TRPC4: variants seen among roughly 807,000 people sequenced by gnomAD.
TRPC4 encodes transient receptor potential cation channel subfamily C member 4.
TRPC4 carries 49 observed loss-of-function variants against 99.4 expected under a neutral mutation model. The observed-to-expected ratio is 0.49, with a 90% CI of 0.39 to 0.63. The LOEUF (loss-of-function observed/expected upper bound fraction) is 0.63, where lower values mean the gene tolerates loss of function less well. Ranked by LOEUF, TRPC4 falls within the 20% of genes least tolerant of loss-of-function variation. The pLI is 0.00. For synonymous variants in TRPC4, 454 were observed against 425.9 expected (o/e 1.07, Z -0.81); for missense variants, 898 against 1,152.9 (o/e 0.78, Z 3.20).
chr13:37,708,295 C>A (rs539582408), intron 3 of TRPC4, among the ~76,000 whole-genome samples: 2 of 152,216 alleles, frequency 1.3e-5, no homozygotes, highest in Non-Finnish European at 2.9e-5. Flanking sequence ...TGATAGCAAG[C>A]AGAACCTATC....
At chr13:37,693,218 A>T (rs75856064) in intron 3 of TRPC4, among the ~76,000 whole-genome samples, 2,816 of 152,168 alleles carry the variant, frequency 0.019, 92 homozygotes, top group African/African-American at 0.064. Flanking sequence ...CAATATATGA[A>T]TTAAGAGAAA....
At chr13:37,655,619 CAA>C (rs1232482032) in intron 6 of TRPC4, among the ~76,000 whole-genome samples, 3 of 151,794 alleles carry the variant, frequency 2.0e-5, no homozygotes, top group East Asian at 1.9e-4. Flanking sequence ...GGAAAAAAAT[CAA>C]AAGAGTGATA....
Position 37,651,345 on chromosome 13 carries a change from A to G in TRPC4, c.1999T>C (p.Trp667Arg), listed in dbSNP as rs1654837702. 6.2e-7 allele frequency: 1 copy of G among 1,614,038 alleles called. No homozygotes were observed. The highest frequency in any genetic ancestry group is 1.3e-5 in the African/African-American group (1 of 74,924). The change falls in exon 8 of 11, where the codon TGG (tryptophan) becomes CGG (arginine). Residue 667 changes from tryptophan to arginine, a missense_variant. By Grantham distance (101) the Trp-to-Arg change is moderately radical (BLOSUM62 -3). Coordinates refer to ENST00000379705, the MANE Select transcript of TRPC4 (RefSeq NM_016179.4). ...FNVIPSPKSL[W>R]YLIKWIWTHL... The stretch of plus-strand genomic sequence containing the variant: ...GTCCAGATCCATTTGATCAGGTACC[A>G]GAGAGACTTGGGGCTCGGGATGACA...
At chr13:37,801,429 CTG>C (rs1957397893) in intron 1 of TRPC4, among the ~76,000 whole-genome samples, 1 of 152,034 alleles carries the variant, frequency 6.6e-6, no homozygotes, top group African/African-American at 2.4e-5. Flanking sequence ...ATTAAACAAA[CTG>C]TTTAAATTGG....
At chr13:37,794,949 A>T (rs1957209174) in intron 1 of TRPC4, among the ~76,000 whole-genome samples, 1 of 152,156 alleles carries the variant, frequency 6.6e-6, no homozygotes, top group Admixed American at 6.6e-5. Context: ...TAAAAAAAGA[A>T]GTTTTTGAAC....
intron 1 of TRPC4, among the ~76,000 whole-genome samples, chr13:37,818,414 C>G (rs1957923176): frequency 6.6e-6 from 1 of 151,960 alleles, no homozygotes; most frequent in African/African-American, 2.4e-5. Flanking sequence ...AGATCTAGAA[C>G]CAGAAATACC....
At chr13:37,719,669 G>T (rs1954799593) in intron 3 of TRPC4, among the ~76,000 whole-genome samples, 1 of 152,066 alleles carries the variant, frequency 6.6e-6, no homozygotes, top group African/African-American at 2.4e-5. Flanking sequence ...CAGCAATGTG[G>T]GGTAAATGGG....
At chr13:37,771,999 T>C (rs995164368) in intron 2 of TRPC4, among the ~76,000 whole-genome samples, 7 of 151,572 alleles carry the variant, frequency 4.6e-5, no homozygotes, top group African/African-American at 1.5e-4. Flanking sequence ...AGGGGGCAGC[T>C]GTGTTCCCAA....
intron 1 of TRPC4, among the ~76,000 whole-genome samples, chr13:37,818,321 GGA>G (rs1299100930): frequency 1.3e-5 from 2 of 152,102 alleles, no homozygotes; most frequent in African/African-American, 4.8e-5. Flanking sequence ...GAGAGGATGT[GGA>G]GAAATAGGAA....
chr13:37,827,947 G>T lies in TRPC4; in HGVS notation c.-28+41648C>A, dbSNP rs1040090741. 9.2e-5 allele frequency among the ~76,000 whole-genome samples: 14 copies of T among 152,246 alleles called. 1 individual carries two copies. Among genetic ancestry groups the T allele is most frequent in the Admixed American group, 8.5e-4 (13 of 15,298 alleles). On this transcript the variant is annotated intron_variant, in intron 1 of 10. Transcript: ENST00000379705. ...AGACTCCATGGGCGTAGGACCCTCC[G>T]AGCCAGGTGCGGGATATAATCTCGT...
At chr13:37,696,416 T>A (rs1324841427) in intron 3 of TRPC4, among the ~76,000 whole-genome samples, 4 of 152,056 alleles carry the variant, frequency 2.6e-5, no homozygotes, top group African/African-American at 4.8e-5. Flanking sequence ...ATAAAACAAA[T>A]AAATCAAAAA....
chr13:37,775,414 T>TA (rs1221562655), intron 2 of TRPC4, among the ~76,000 whole-genome samples: 1 of 151,276 alleles, frequency 6.6e-6, no homozygotes, highest in Non-Finnish European at 1.5e-5. Flanking sequence ...TTGTTTTTTT[T>TA]TAATTTCCAA....
intron 3 of TRPC4, among the ~76,000 whole-genome samples, chr13:37,725,462 CAA>C (rs1237922877): frequency 6.6e-6 from 1 of 151,858 alleles, no homozygotes; most frequent in African/African-American, 2.4e-5. Context: ...AAGACAAAGG[CAA>C]AGAGAGAATC....
chr13:37,755,765 G>C (rs528351159), intron 2 of TRPC4, among the ~76,000 whole-genome samples: 1 of 152,200 alleles, frequency 6.6e-6, no homozygotes, highest in South Asian at 2.1e-4. Flanking sequence ...AGGGGCATTT[G>C]TTATATGCAA....
intron 4 of TRPC4, among the ~76,000 whole-genome samples, chr13:37,674,736 T>C (rs1186200928): frequency 2.6e-5 from 4 of 152,202 alleles, no homozygotes; most frequent in Admixed American, 6.5e-5. Context: ...TCAAAATTAC[T>C]CAAAGATCAT....
At chr13:37,846,438 A>G (rs2139659670) in intron 1 of TRPC4, among the ~76,000 whole-genome samples, 1 of 152,246 alleles carries the variant, frequency 6.6e-6, no homozygotes, top group Admixed American at 6.5e-5. Flanking sequence ...AAATTAATAA[A>G]AAGTATGTGT....
At chr13:37,709,047 C>G (rs1216701513) in intron 3 of TRPC4, among the ~76,000 whole-genome samples, 1 of 152,014 alleles carries the variant, frequency 6.6e-6, no homozygotes, top group Admixed American at 6.6e-5. Context: ...ATATCCACCT[C>G]TAACTGAAGC....
intron 3 of TRPC4, among the ~76,000 whole-genome samples, chr13:37,720,527 T>A (rs576584020): frequency 4.8e-4 from 73 of 152,232 alleles, no homozygotes; most frequent in African/African-American, 1.7e-3. Context: ...GTTTCTGGTG[T>A]TCTGAATTAT....
rs534885951 is a variant in TRPC4 at position 37,689,299 on chromosome 13, C to T, written c.1234+2700G>A. ...GTAGAACCTGGGCATGGATTTAAGT[C>T]CAGTGCCTTTTGCAGAACAGCCCAA... On this transcript the variant is annotated intron_variant, in intron 4 of 10. Coordinates refer to ENST00000379705, the MANE Select transcript of TRPC4 (RefSeq NM_016179.4). Among the ~76,000 whole-genome samples, 28 of 152,234 alleles carry T rather than the reference C, an allele frequency of 1.8e-4. 1 individual carries two copies. In the South Asian group the frequency reaches 5.2e-3, roughly 28 times the overall value.
Sources: allele counts gnomAD v4.1 joint callset (sites outside exome capture counted in the v4.1 genomes callset), GRCh38; gene constraint gnomAD v4.1.1; transcripts MANE v1.5; gene names NCBI Gene and HGNC (gene_info 2026-07-23, HGNC 2026-07-21).